Variants in SAMD5 observed in about 807,000 individuals in gnomAD.
SAMD5 encodes the protein sterile alpha motif domain-containing protein 5.
A neutral mutation model predicts 11.3 loss-of-function variants in SAMD5; 13 were observed. The observed-to-expected ratio is 1.15, with a 90% CI of 0.75 to 1.83. The LOEUF (loss-of-function observed/expected upper bound fraction) is 1.83. SAMD5 is among the 40% of genes most tolerant of loss of function. SAMD5 has a pLI of 0.00. For synonymous variants in SAMD5, 129 were observed against 111.3 expected (o/e 1.16, Z -1.00); for missense variants, 255 against 239.1 (o/e 1.07, Z -0.44).
chr6:147,579,531 T>C (rs957506832), intron 1 of SAMD5, among the ~76,000 whole-genome samples: 2 of 143,658 alleles, frequency 1.4e-5, no homozygotes, highest in African/African-American at 5.2e-5. Flanking sequence ...AGCAGTGTGA[T>C]CTCAGCTCAC....
Position 147,566,266 on chromosome 6 carries a change from A to G in SAMD5, c.*1810A>G, listed in dbSNP as rs1163920457. The stretch of plus-strand genomic sequence containing the variant: ...AAAAGCTTTTAGTTTCATCAGGATT[A>G]TATTCCAGTTAACCTTTCATCTTTT... On this transcript the variant is annotated 3_prime_UTR_variant, in exon 2 of 2. Coordinates refer to ENST00000367474, the MANE Select transcript of SAMD5 (RefSeq NM_001030060.3). The G allele has an allele frequency of 2.0e-6, 2 of 978,062 alleles. No individual in the cohort carries two copies. Among genetic ancestry groups the G allele is most frequent in the Non-Finnish European group, 2.4e-6 (2 of 823,356 alleles). The allele number at this position is 978,062 out of a possible 1,614,324, so 60.6% of individuals were successfully genotyped here.
chr6:147,694,615 G>A (rs1462639080), intron 1 of SAMD5, among the ~76,000 whole-genome samples: 2 of 152,228 alleles, frequency 1.3e-5, no homozygotes, highest in East Asian at 3.9e-4. Flanking sequence ...CCAGGAGTTT[G>A]AGACCAGCCT....
chr6:147,822,031 T>G, the SAMD5 span, among the ~76,000 whole-genome samples: 2 of 152,218 alleles, frequency 1.3e-5, no homozygotes, highest in Admixed American at 6.5e-5. Flanking sequence ...TTATCTAATA[T>G]TATTGATTTG....
chr6:147,674,605 G>A (rs568511401), intron 1 of SAMD5, among the ~76,000 whole-genome samples: 1 of 152,136 alleles, frequency 6.6e-6, no homozygotes, highest in African/African-American at 2.4e-5. Flanking sequence ...CAGCTACGGA[G>A]GATCCCTGGA....
chr6:147,770,353 A>G, the SAMD5 span, among the ~76,000 whole-genome samples: 3 of 151,984 alleles, frequency 2.0e-5, no homozygotes, highest in Admixed American at 6.6e-5. Context: ...CATCTGGATC[A>G]TAGAGCTATT....
At chr6:147,898,091 G>C in the SAMD5 span, among the ~76,000 whole-genome samples, 1 of 151,836 alleles carries the variant, frequency 6.6e-6, no homozygotes, top group South Asian at 2.1e-4. Context: ...GTCTTGTCAG[G>C]CTCCAAATCT....
the SAMD5 span, among the ~76,000 whole-genome samples, chr6:147,793,696 TG>T: frequency 6.6e-6 from 1 of 152,152 alleles, no homozygotes; most frequent in South Asian, 2.1e-4. Flanking sequence ...TTTTTGACAA[TG>T]GTGAATACAT....
intron 1 of SAMD5, among the ~76,000 whole-genome samples, chr6:147,546,992 G>T (rs1562317386): frequency 6.6e-6 from 1 of 152,064 alleles, no homozygotes; most frequent in Admixed American, 6.6e-5. Flanking sequence ...CATACAGCTG[G>T]GCAGCGTTGG....
intron 1 of SAMD5, among the ~76,000 whole-genome samples, chr6:147,522,358 T>G (rs964106098): frequency 1.4e-4 from 22 of 152,162 alleles, no homozygotes; most frequent in African/African-American, 5.3e-4. Context: ...AGGAAAAGCA[T>G]TAAGGAAAAC....
intron 1 of SAMD5, among the ~76,000 whole-genome samples, chr6:147,633,216 C>A (rs78248218): frequency 2.1e-3 from 327 of 152,230 alleles, no homozygotes; most frequent in Non-Finnish European, 3.8e-3. Context: ...AAGCAAAGTG[C>A]CCAGATCTTT....
chr6:147,798,840 T>G, the SAMD5 span, among the ~76,000 whole-genome samples: 1 of 152,168 alleles, frequency 6.6e-6, no homozygotes, highest in Non-Finnish European at 1.5e-5. Context: ...CTTTGTCTCT[T>G]TTGTTCTTTG....
the SAMD5 span, among the ~76,000 whole-genome samples, chr6:147,817,791 T>A: frequency 2.0e-5 from 3 of 152,166 alleles, no homozygotes; most frequent in African/African-American, 7.2e-5. Flanking sequence ...CATTCAATTT[T>A]CACATAGCAA....
chr6:147,743,056 A>G, the SAMD5 span: 3 of 152,226 alleles, frequency 2.0e-5, no homozygotes, highest in Admixed American at 2.0e-4. Flanking sequence ...ATATTCCATT[A>G]TTTTGACAAC....
At chr6:147,571,946 G>A (rs1789144110), downstream of SAMD5, among the ~76,000 whole-genome samples, 1 of 151,776 alleles carries the variant, frequency 6.6e-6, no homozygotes. Context: ...CCTGTGAAAG[G>A]TTTGAGACAC....
chr6:147,904,484 T>A, the SAMD5 span, among the ~76,000 whole-genome samples: 5 of 152,220 alleles, frequency 3.3e-5, no homozygotes, highest in Admixed American at 1.3e-4. Flanking sequence ...GCTTGGATTA[T>A]GTGAGAAAGA....
At chr6:147,883,235 G>A in the SAMD5 span, among the ~76,000 whole-genome samples, 1 of 152,146 alleles carries the variant, frequency 6.6e-6, no homozygotes, top group Non-Finnish European at 1.5e-5. Flanking sequence ...GCAGACACAA[G>A]GGGCATTTTG....
the SAMD5 span, among the ~76,000 whole-genome samples, chr6:147,909,175 C>T: frequency 2.6e-3 from 390 of 152,304 alleles, 7 homozygotes; most frequent in South Asian, 0.013. Flanking sequence ...CGCCACCACA[C>T]GCCAGCCTAG....
At chr6:147,780,425 C>G in the SAMD5 span, among the ~76,000 whole-genome samples, 1 of 152,142 alleles carries the variant, frequency 6.6e-6, no homozygotes, top group Non-Finnish European at 1.5e-5. Flanking sequence ...CCAGGCTGGT[C>G]TCGAATTCCT....
the SAMD5 span, among the ~76,000 whole-genome samples, chr6:147,774,906 T>TAAC: frequency 2.0e-5 from 3 of 152,082 alleles, no homozygotes; most frequent in Non-Finnish European, 4.4e-5. Context: ...TGATTAAAAA[T>TAAC]AACATGCAAA....
Sources: gnomAD v4.1 joint callset for allele counts (sites outside exome capture counted in the v4.1 genomes callset) on GRCh38, gnomAD v4.1.1 for gene constraint, MANE v1.5 for transcripts, NCBI Gene and HGNC (gene_info 2026-07-23, HGNC 2026-07-21) for gene names.